Variants in NEIL1 observed in about 807,000 individuals in gnomAD.
NEIL1 encodes the protein nei like DNA glycosylase 1.
In NEIL1, 31 loss-of-function variants were observed where a neutral mutation model predicts 44.2. The ratio of observed to expected loss-of-function variants is 0.70; its 90% CI spans 0.53 to 0.95. NEIL1 has a LOEUF of 0.95. NEIL1 is among the 40% of genes least tolerant of loss of function. NEIL1 has a pLI of 0.00. For missense variants in NEIL1, 549 were observed against 515.5 expected (o/e 1.07, Z -0.63); for synonymous variants, 254 against 209.7 (o/e 1.21, Z -1.83).
Position 75,354,980 on chromosome 15 carries a change from GA to G in NEIL1, c.1121del (p.Lys374ArgfsTer39). On this transcript the variant is annotated frameshift_variant, in exon 10 of 10. Coordinates refer to ENST00000355059, the MANE Select transcript of NEIL1 (RefSeq NM_024608.4). LOFTEE classifies it low-confidence loss of function (END_TRUNC). The stretch of plus-strand genomic sequence containing the variant: ...TTCCCCCAGGCCACTGCAGACCCCG[GA>G]AGGTCAAGGCTGACATCCCATCCTT... ...QAASGHCRPR[K>X]VKADIPSLEP... is the part of the protein sequence containing the mutation. The G allele has an allele frequency of 6.2e-6, 10 of 1,614,116 alleles. No homozygotes were observed. The highest frequency in any genetic ancestry group is 8.5e-6 in the Non-Finnish European group (10 of 1,179,990).
At chr15:75,353,156 A>C (rs1247728791) in intron 5 of NEIL1, 3 of 182,996 alleles carry the variant, frequency 1.6e-5, no homozygotes, top group Non-Finnish European at 2.3e-5. Context: ...AAAAAAAAAA[A>C]CAAAAAAACA....
chr15:75,353,773 G>A lies in NEIL1; in HGVS notation c.753G>A (p.Glu251=), dbSNP rs772698482. The change falls in exon 6 of 10, where the codon GAG becomes GAA. Residue 251 remains glutamate, a synonymous_variant. Coordinates refer to ENST00000355059, the MANE Select transcript of NEIL1 (RefSeq NM_024608.4). The part of the protein sequence containing the change: ...GKGYGSESGE[E]DFAAFRAWLR... The stretch of plus-strand genomic sequence containing the variant: ...GCTACGGGTCAGAGAGCGGGGAGGA[G>A]GACTTTGCTGCCTTTCGAGCCTGGC... The A allele has an allele frequency of 3.1e-6, 5 of 1,614,164 alleles. No homozygotes were observed. The highest frequency in any genetic ancestry group is 2.2e-5 in the East Asian group (1 of 44,888).
chr15:75,347,843 G>A, intron 1 of NEIL1: 1 of 1,178,306 alleles, frequency 8.5e-7, no homozygotes, highest in Non-Finnish European at 1.1e-6. Context: ...AGGATTTGGA[G>A]CCTCACGTTC....
Position 75,354,702 on chromosome 15 carries a change from G to A in NEIL1, c.986G>A (p.Arg329Lys), listed in dbSNP as rs758023694. The stretch of plus-strand genomic sequence containing the variant: ...CCTTCCAGGACACGAAGGGCAAAGA[G>A]AGACCTTCCTAAGAGGACTGCAACC... ...KAPSRTRRAK[R>K]DLPKRTATQR... Residue 329 changes from arginine (R) to lysine (K), a missense_variant, in exon 9 of 10, where the codon AGA becomes AAA. Arg to Lys is a conservative substitution (Grantham distance 26). Transcript: ENST00000355059. 1.9e-6 allele frequency: 3 copies of A among 1,614,198 alleles called. No homozygotes were observed. The highest frequency in any genetic ancestry group is 2.5e-6 in the Non-Finnish European group (3 of 1,180,040).
chr15:75,355,103 T>C lies in NEIL1; in HGVS notation c.*69T>C. On this transcript the variant is annotated 3_prime_UTR_variant, in exon 10 of 10. Coordinates refer to ENST00000355059, the MANE Select transcript of NEIL1 (RefSeq NM_024608.4). ...GCCCTGCATCTGGGGGTCTGAATTT[T>C]TGGGAGCAGGCAATATCTGAAGGTG... is the stretch of plus-strand genomic sequence containing the variant. 2 of 1,433,694 alleles carry C rather than the reference T, an allele frequency of 1.4e-6. No homozygotes were observed. The highest frequency in any genetic ancestry group is 1.9e-6 in the Non-Finnish European group (2 of 1,036,846). 88.8% of individuals were successfully genotyped at this position (1,433,694 alleles called of 1,614,324 possible). A position where few individuals can be genotyped will look rare whatever the true frequency, so the allele number is the denominator to read the frequency against.
Position 75,353,042 on chromosome 15 carries a change from G to A in NEIL1, c.718+341G>A, listed in dbSNP as rs767369942. On this transcript the variant is annotated intron_variant, in intron 5 of 9. Coordinates refer to ENST00000355059, the MANE Select transcript of NEIL1 (RefSeq NM_024608.4). ...TGTAATCTCAGCTACTCGGGAGGAT[G>A]AGGCAGGAAAATCGCTTAAACCCAG... 1.2e-4 allele frequency: 29 copies of A among 233,682 alleles called. 1 individual carries two copies. Among genetic ancestry groups the A allele is most frequent in the South Asian group, 3.2e-4 (6 of 18,766 alleles). The allele number at this position is 233,682 out of a possible 1,614,324, so 14.5% of individuals were successfully genotyped here.
intron 1 of NEIL1, 65 bp from the exon 2 acceptor site, chr15:75,348,819 G>C: frequency 6.5e-7 from 1 of 1,545,736 alleles, no homozygotes; most frequent in Non-Finnish European, 8.7e-7. Flanking sequence ...TCTAAAAATG[G>C]GGCTGACAGC....
chr15:75,351,219 T>G (rs1023437176), intron 2 of NEIL1: 1 of 450,414 alleles, frequency 2.2e-6, no homozygotes, highest in Non-Finnish European at 4.4e-6. Flanking sequence ...ACTGTTCTCA[T>G]GTCCTGAGGA....
rs576106265 is a variant in NEIL1, at chr15:75,350,750, C to T, written c.435-1361C>T. ...CCACCTCAGCCTTCCTGGGGAGTCA[C>T]GCCACAAGTTAACTCTGCCAGCTGG... is the stretch of plus-strand genomic sequence containing the variant. On this transcript the variant is annotated intron_variant, in intron 2 of 9. Coordinates refer to ENST00000355059, the MANE Select transcript of NEIL1 (RefSeq NM_024608.4). Among the ~76,000 whole-genome samples, 35 of 152,244 alleles carry T rather than the reference C, an allele frequency of 2.3e-4. 1 individual carries two copies. Among genetic ancestry groups the T allele is most frequent in the East Asian group, 7.7e-4 (4 of 5,188 alleles).
chr15:75,355,902 G>A lies in NEIL1; in HGVS notation c.*868G>A, dbSNP rs2072276137. 2 of 1,614,040 alleles carry A rather than the reference G, an allele frequency of 1.2e-6. No individual in the cohort carries two copies. The highest frequency in any genetic ancestry group is 2.2e-5 in the East Asian group (1 of 44,888). On this transcript the variant is annotated 3_prime_UTR_variant, in exon 10 of 10. Transcript: ENST00000355059. The stretch of plus-strand genomic sequence containing the variant: ...TCTACAAACAAAACCCCAGCCCCAG[G>A]GACTCAGTGTGGCGGAGGCTGAAGC...
At position 75,353,067 on chromosome 15, in the gene NEIL1, G is replaced by C. The variant is rs541404566; in HGVS notation, c.718+366G>C. 230 of 215,098 alleles carry C rather than the reference G, an allele frequency of 1.1e-3. 1 individual carries two copies. Among genetic ancestry groups the C allele is most frequent in the African/African-American group, 5.1e-3 (219 of 42,858 alleles). The allele number at this position is 215,098 out of a possible 1,614,324, so 13.3% of individuals were successfully genotyped here. On this transcript the variant is annotated intron_variant, in intron 5 of 9. Coordinates refer to ENST00000355059, the MANE Select transcript of NEIL1 (RefSeq NM_024608.4). ...GAGGCAGGAAAATCGCTTAAACCCA[G>C]GAGGTGGAGGTTGCAGTTGAGCTGA...
Position 75,355,786 on chromosome 15 carries a change from G to T in NEIL1, c.*752G>T. 1 of 1,119,882 alleles carries T rather than the reference G, an allele frequency of 8.9e-7. No homozygotes were observed. The highest frequency in any genetic ancestry group is 1.2e-6 in the Non-Finnish European group (1 of 811,088). 69.4% of individuals were successfully genotyped at this position (1,119,882 alleles called of 1,614,324 possible). On this transcript the variant is annotated 3_prime_UTR_variant, in exon 10 of 10. Coordinates refer to ENST00000355059, the MANE Select transcript of NEIL1 (RefSeq NM_024608.4). ...GGATGGGCCCTAAGGGGACTGAGCA[G>T]CAGGGTTCCCGATCCAAGGATTTAT...
At position 75,355,787 on chromosome 15, in the gene NEIL1, C is replaced by G; in HGVS notation, c.*753C>G. The G allele has an allele frequency of 8.0e-7, 1 of 1,257,686 alleles. No individual in the cohort carries two copies. The highest frequency in any genetic ancestry group is 1.1e-6 in the Non-Finnish European group (1 of 906,292). 77.9% of individuals were successfully genotyped at this position (1,257,686 alleles called of 1,614,324 possible). A position where few individuals can be genotyped will look rare whatever the true frequency, so the allele number is the denominator to read the frequency against. On this transcript the variant is annotated 3_prime_UTR_variant, in exon 10 of 10. Transcript: ENST00000355059. Reference sequence around the variant, plus strand: ...GATGGGCCCTAAGGGGACTGAGCAGCAGGGTTCCCGATCCAAGGATTTATT... The same window carrying G: ...GATGGGCCCTAAGGGGACTGAGCAGGAGGGTTCCCGATCCAAGGATTTATT...
Position 75,355,736 on chromosome 15 carries a change from C to A in NEIL1, c.*702C>A. The A allele has an allele frequency of 9.6e-6, 5 of 522,166 alleles. No individual in the cohort carries two copies. Among genetic ancestry groups the A allele is most frequent in the Non-Finnish European group, 1.3e-5 (4 of 303,806 alleles). The allele number at this position is 522,166 out of a possible 1,614,324, so 32.3% of individuals were successfully genotyped here. A position where few individuals can be genotyped will look rare whatever the true frequency, so the allele number is the denominator to read the frequency against. ...ACCTGGGAAGCCATCCCACCCCAGA[C>A]TTCCCACCCCCACCCCAAGCGTGAG... On this transcript the variant is annotated 3_prime_UTR_variant, in exon 10 of 10. Transcript: ENST00000355059.
chr15:75,356,291 C>G lies in NEIL1; in HGVS notation c.*1257C>G. The G allele has an allele frequency of 6.2e-7, 1 of 1,612,080 alleles. No individual in the cohort carries two copies. Among genetic ancestry groups the G allele is most frequent in the Non-Finnish European group, 8.5e-7 (1 of 1,179,258 alleles). ...TCGGAACCCCGTCCCCAGCACGTCCCACCCCTTGCCTGCTTGACGGTCTCC... is the reference window on the plus strand; with the variant it reads ...TCGGAACCCCGTCCCCAGCACGTCCGACCCCTTGCCTGCTTGACGGTCTCC... On this transcript the variant is annotated 3_prime_UTR_variant, in exon 10 of 10. Transcript: ENST00000355059. The surrounding 1 kb of genome is among the most constrained non-coding windows in gnomAD (Gnocchi z 5.8).
At position 75,352,227 on chromosome 15, in the gene NEIL1, A is replaced by C. The variant is rs780675245; in HGVS notation, c.551A>C (p.Tyr184Ser). 6.2e-7 allele frequency: 1 copy of C among 1,614,254 alleles called. No individual in the cohort carries two copies. The highest frequency in any genetic ancestry group is 8.5e-7 in the Non-Finnish European group (1 of 1,180,050). ...IGNYLRAEIL[Y>S]RLKIPPFEKA... ...AACTATCTGCGGGCAGAGATCCTGT[A>C]CCGGTCAGCAAGCAGGCATGGGCAT... Residue 184 changes from tyrosine (Y) to serine (S), a missense_variant, in exon 3 of 10, where the codon TAC (tyrosine) becomes TCC (serine). Tyr to Ser is a moderately radical substitution (Grantham distance 144). Coordinates refer to ENST00000355059, the MANE Select transcript of NEIL1 (RefSeq NM_024608.4).
Position 75,356,202 on chromosome 15 carries a change from C to CT in NEIL1, c.*1169dup. On this transcript the variant is annotated 3_prime_UTR_variant, in exon 10 of 10. Coordinates refer to ENST00000355059, the MANE Select transcript of NEIL1 (RefSeq NM_024608.4). This position sits in a 1 kb window ranked among gnomAD's most constrained non-coding sequence, Gnocchi z 5.8. ...ACAGCCTCAGGACCAGCGAGCGGCG[C>CT]TGGGGGCTGCTCTCCGCCTGCAGAG... The CT allele has an allele frequency of 6.2e-7, 1 of 1,613,332 alleles. No homozygotes were observed. Among genetic ancestry groups the CT allele is most frequent in the Non-Finnish European group, 8.5e-7 (1 of 1,179,910 alleles).
intron 2 of NEIL1, among the ~76,000 whole-genome samples, chr15:75,351,623 T>C (rs1484838333): frequency 2.0e-5 from 3 of 152,058 alleles, no homozygotes; most frequent in Admixed American, 6.6e-5. Context: ...TTATTTTTAA[T>C]TTTGTTTTTA....
Position 75,352,106 on chromosome 15 carries a change from T to G in NEIL1, c.435-5T>G. The G allele has an allele frequency of 6.2e-7, 1 of 1,614,120 alleles. No homozygotes were observed. Among genetic ancestry groups the G allele is most frequent in the African/African-American group, 1.3e-5 (1 of 75,056 alleles). ...GTCTTACGCACCCAGACCGTGTTCC[T>G]CCAGGGAGAATGTGCTACGAAACCT... On this transcript the variant is annotated splice_region_variant and splice_polypyrimidine_tract_variant and intron_variant, in intron 2 of 9. Coordinates refer to ENST00000355059, the MANE Select transcript of NEIL1 (RefSeq NM_024608.4).
Sources: allele counts gnomAD v4.1 joint callset (sites outside exome capture counted in the v4.1 genomes callset), GRCh38; gene constraint gnomAD v4.1.1; non-coding constraint Gnocchi (gnomAD v3.1); transcripts MANE v1.5; gene names NCBI Gene and HGNC (gene_info 2026-07-23, HGNC 2026-07-21).